Variants in LPIN1 observed in about 807,000 individuals in gnomAD.
The protein encoded by LPIN1 is phosphatidate phosphatase LPIN1.
A neutral mutation model predicts 107.5 loss-of-function variants in LPIN1; 71 were observed. The observed-to-expected ratio is 0.66, with a 90% confidence interval of 0.55 to 0.80. The LOEUF (loss-of-function observed/expected upper bound fraction) is 0.80, where lower values mean the gene tolerates loss of function less well. Ranked by LOEUF, LPIN1 falls within the 30% of genes least tolerant of loss-of-function variation. LPIN1 has a pLI of 0.00. For synonymous variants in LPIN1, 445 were observed against 452.6 expected, an observed-to-expected ratio of 0.98 and a Z score of 0.21; for missense variants, 1,043 against 1,160.6, an observed-to-expected ratio of 0.90 and a Z score of 1.47.
intron 20 of LPIN1, among the ~76,000 whole-genome samples, chr2:11,821,997 GT>G (rs1352219810): frequency 6.6e-6 from 1 of 152,178 alleles, no homozygotes; most frequent in Non-Finnish European, 1.5e-5. Context: ...GTGGCTGACT[GT>G]GACAATGTCT....
chr2:11,804,752 T>G (rs1678356031), intron 16 of LPIN1, among the ~76,000 whole-genome samples, 181 bp downstream of exon 16: 1 of 152,174 alleles, frequency 6.6e-6, no homozygotes, highest in Non-Finnish European at 1.5e-5. Flanking sequence ...AGGGCTTAGT[T>G]GTTTCCTTCT....
At chr2:11,724,239 C>T (rs1664375562), upstream of LPIN1, 1 of 678,692 alleles carries the variant, frequency 1.5e-6, no homozygotes, top group Non-Finnish European at 1.8e-6. Context: ...CTCTTTCTCT[C>T]CTCCTCTGAA....
intron 1 of LPIN1, among the ~76,000 whole-genome samples, chr2:11,754,349 T>C (rs1198240445): frequency 6.6e-6 from 1 of 152,226 alleles, no homozygotes; most frequent in Non-Finnish European, 1.5e-5. Context: ...GTGTTTGCTC[T>C]CTGGGCAGTG....
At chr2:11,678,160 G>T (rs1661527492) in intron 1 of LPIN1, among the ~76,000 whole-genome samples, 1 of 152,206 alleles carries the variant, frequency 6.6e-6, no homozygotes, top group Non-Finnish European at 1.5e-5. Context: ...CATTTAACCA[G>T]TGCTGTCTCC....
At position 11,792,209 on chromosome 2, in the gene LPIN1, T is replaced by C. The variant is rs7607755; in HGVS notation, c.1806+203T>C. The C allele has an allele frequency of 0.58, 325,890 of 558,014 alleles. 101,334 individuals are homozygous for C. Among genetic ancestry groups the C allele is most frequent in the African/African-American group, 0.89 (47,380 of 53,464 alleles). 34.6% of individuals were successfully genotyped at this position (558,014 alleles called of 1,614,324 possible). A position where few individuals can be genotyped will look rare whatever the true frequency, so the allele number is the denominator to read the frequency against. On this transcript the variant is annotated intron_variant, in intron 13 of 20. Transcript: ENST00000674199. The stretch of plus-strand genomic sequence containing the variant: ...GAAGGTCAGGAGCCAGCAGCATAGG[T>C]GTCACCTCCTGGCTCTGTAACTGTT...
At position 11,815,114 on chromosome 2, in the gene LPIN1, C is replaced by G. The variant is rs1680346691; in HGVS notation, c.2276C>G (p.Ser759Cys). 3 of 1,614,178 alleles carry G rather than the reference C, an allele frequency of 1.9e-6. No individual in the cohort carries two copies. Among genetic ancestry groups the G allele is most frequent in the Non-Finnish European group, 2.5e-6 (3 of 1,180,010 alleles). ...SQNGYKFLYC[S>C]ARAIGMADMT... ...AATGGATATAAATTTCTCTACTGTTCTGCCCGTGCCATCGGGATGGCGGAC... is the reference window on the plus strand; with the variant it reads ...AATGGATATAAATTTCTCTACTGTTGTGCCCGTGCCATCGGGATGGCGGAC... Residue 759 changes from serine to cysteine, a missense_variant, in exon 18 of 21, where the codon TCT (serine) becomes TGT (cysteine). Coordinates refer to ENST00000674199, the MANE Select transcript of LPIN1 (RefSeq NM_001349206.2).
rs149093905 is a variant in LPIN1 at position 11,766,903 on chromosome 2, G to A, written c.193-860G>A. Among the ~76,000 whole-genome samples, 1,002 of 152,316 alleles carry A rather than the reference G, an allele frequency of 6.6e-3. 15 individuals carry two copies. The highest frequency in any genetic ancestry group is 0.023 in the African/African-American group (953 of 41,566). On this transcript the variant is annotated intron_variant, in intron 2 of 20. Coordinates refer to ENST00000674199, the MANE Select transcript of LPIN1 (RefSeq NM_001349206.2). ...AGCGTAATGGTGGTTACTGAGGTGG[G>A]GTATGAGGAAGCCTGTCCTATCTCC...
At chr2:11,720,966 C>G (rs902322151), upstream of LPIN1, among the ~76,000 whole-genome samples, 1 of 152,016 alleles carries the variant, frequency 6.6e-6, no homozygotes, top group Non-Finnish European at 1.5e-5. Context: ...ACGCCCTGCT[C>G]TCTGACTGCC....
intron 1 of LPIN1, among the ~76,000 whole-genome samples, chr2:11,728,818 T>C (rs1190808732): frequency 6.6e-6 from 1 of 152,254 alleles, no homozygotes; most frequent in Non-Finnish European, 1.5e-5. Context: ...TTTTAGTGAT[T>C]GCTCAAATAC....
intron 1 of LPIN1, among the ~76,000 whole-genome samples, chr2:11,709,070 C>T (rs1409465870): frequency 1.3e-5 from 2 of 152,108 alleles, no homozygotes; most frequent in African/African-American, 4.8e-5. Context: ...CAGTTTGACT[C>T]CAAAACCCAT....
Position 11,780,547 on chromosome 2 carries a change from C to T in LPIN1, c.957+902C>T, listed in dbSNP as rs1311020510. On this transcript the variant is annotated intron_variant, in intron 7 of 20. Transcript: ENST00000674199. The stretch of plus-strand genomic sequence containing the variant: ...CAAGTAGTAAGTATTTCTGGGCCCT[C>T]ATTGTTGGTGGGACCCTGAATTTGA... Among the ~76,000 whole-genome samples, 10 of 152,316 alleles carry T rather than the reference C, an allele frequency of 6.6e-5. No individual in the cohort carries two copies. In the South Asian group the frequency reaches 2.1e-3, roughly 32 times the overall value.
At chr2:11,730,795 G>T (rs2148545335) in intron 1 of LPIN1, among the ~76,000 whole-genome samples, 1 of 152,290 alleles carries the variant, frequency 6.6e-6, no homozygotes, top group African/African-American at 2.4e-5. Flanking sequence ...TCATATTTTA[G>T]GGTGCAGTTT....
chr2:11,755,361 A>G (rs1190376456), intron 1 of LPIN1, among the ~76,000 whole-genome samples: 1 of 151,864 alleles, frequency 6.6e-6, no homozygotes, highest in East Asian at 1.9e-4. Flanking sequence ...GCTGTTTTAC[A>G]CTCTGGAATG....
rs1018669080 is a variant in LPIN1 at position 11,765,188 on chromosome 2, G to T, written c.-9-345G>T. ...TAACGGGCCGTGATGGACCCTGATGGGCTGTGATGGTCCGTGATGGGCCAT... is the reference window on the plus strand; with the variant it reads ...TAACGGGCCGTGATGGACCCTGATGTGCTGTGATGGTCCGTGATGGGCCAT... On this transcript the variant is annotated intron_variant, in intron 1 of 20. Transcript: ENST00000674199. The surrounding 1 kb of genome is among the most constrained non-coding windows in gnomAD (Gnocchi z 4.4). Among the ~76,000 whole-genome samples, 4 of 152,038 alleles carry T rather than the reference G, an allele frequency of 2.6e-5. No individual in the cohort carries two copies. Among genetic ancestry groups the T allele is most frequent in the Non-Finnish European group, 5.9e-5 (4 of 67,986 alleles).
chr2:11,815,916 T>C (rs1680502927), intron 18 of LPIN1, among the ~76,000 whole-genome samples: 1 of 152,156 alleles, frequency 6.6e-6, no homozygotes, highest in Non-Finnish European at 1.5e-5. Context: ...GTCCCTGTAG[T>C]TGGAGGCCCA....
chr2:11,705,778 C>CT (rs940062314), intron 1 of LPIN1, among the ~76,000 whole-genome samples: 17 of 152,186 alleles, frequency 1.1e-4, no homozygotes, highest in Middle Eastern at 3.4e-3. Context: ...AAATTGCATG[C>CT]TTTTTTTATA....
rs560961214 is a variant in LPIN1 at position 11,687,886 on chromosome 2, G to C, written c.81+10158G>C. ...GCTAAGTCTCTGCAGTTTATGGTCT[G>C]CATGGTGTGCTGGCCGAGAGGACAC... On this transcript the variant is annotated intron_variant, in intron 1 of 21. Transcript: ENST00000449576. 2.0e-4 allele frequency among the ~76,000 whole-genome samples: 30 copies of C among 152,388 alleles called. No homozygotes were observed. The South Asian group carries it at 6.0e-3, about 30-fold the overall frequency.
intron 1 of LPIN1, among the ~76,000 whole-genome samples, chr2:11,684,348 T>TG (rs1375653605): frequency 6.6e-6 from 1 of 151,788 alleles, no homozygotes; most frequent in Non-Finnish European, 1.5e-5. Flanking sequence ...TAATTTTTTT[T>TG]TAAAGTTTTT....
chr2:11,820,015 T>C (rs1681247721), intron 19 of LPIN1, among the ~76,000 whole-genome samples: 1 of 152,218 alleles, frequency 6.6e-6, no homozygotes, highest in African/African-American at 2.4e-5. Flanking sequence ...AGATTTTGCA[T>C]GTATTGCCCG....
Sources: gnomAD v4.1 joint callset for allele counts (sites outside exome capture counted in the v4.1 genomes callset) on GRCh38, gnomAD v4.1.1 for gene constraint, Gnocchi (gnomAD v3.1) non-coding constraint, MANE v1.5 for transcripts, NCBI Gene and HGNC (gene_info 2026-07-23, HGNC 2026-07-21) for gene names.